GRIN2A: variants seen among roughly 807,000 people sequenced by gnomAD.
GRIN2A encodes the protein glutamate receptor ionotropic, NMDA 2A.
In GRIN2A, 22 loss-of-function variants were observed where a neutral mutation model predicts 113.4. The ratio of observed to expected loss-of-function variants is 0.19; its 90% CI spans 0.14 to 0.28. The LOEUF (loss-of-function observed/expected upper bound fraction) is 0.28, where lower values mean the gene tolerates loss of function less well. GRIN2A is among the 10% of genes least tolerant of loss of function. The probability of loss-of-function intolerance (pLI) is 1.00; values close to 1 mark genes in which losing one functional copy is unlikely to be tolerated. For synonymous variants in GRIN2A, 827 were observed against 738.4 expected (o/e 1.12, Z -1.94); for missense variants, 1,502 against 1,887.0 (o/e 0.80, Z 3.78).
chr16:10,154,219 G>A (rs2049642422), intron 2 of GRIN2A, among the ~76,000 whole-genome samples: 1 of 152,184 alleles, frequency 6.6e-6, no homozygotes, highest in African/African-American at 2.4e-5. Flanking sequence ...CCACAAGTGA[G>A]GCGATATGGC....
At chr16:9,768,341 C>A (rs765190502) in intron 12 of GRIN2A, among the ~76,000 whole-genome samples, 1 of 152,128 alleles carries the variant, frequency 6.6e-6, no homozygotes, top group Non-Finnish European at 1.5e-5. Context: ...CATGAGCCAC[C>A]GTGCCCGGCC....
At chr16:9,925,062 G>C (rs1233654479) in intron 3 of GRIN2A, among the ~76,000 whole-genome samples, 1 of 152,146 alleles carries the variant, frequency 6.6e-6, no homozygotes, top group African/African-American at 2.4e-5. Context: ...CTTTTGATGG[G>C]ATGGAAGAAA....
chr16:9,963,601 T>C (rs2045487654), intron 2 of GRIN2A, among the ~76,000 whole-genome samples: 1 of 152,176 alleles, frequency 6.6e-6, no homozygotes, highest in South Asian at 2.1e-4. Flanking sequence ...TGTGTAAAAA[T>C]TCATTGAGCT....
chr16:10,130,016 T>A (rs989679589), intron 2 of GRIN2A, among the ~76,000 whole-genome samples: 2 of 152,100 alleles, frequency 1.3e-5, no homozygotes, highest in Non-Finnish European at 2.9e-5. Context: ...GAGAGAGAAA[T>A]CAAAGGTGAC....
chr16:9,990,452 G>C (rs991088647), intron 2 of GRIN2A, among the ~76,000 whole-genome samples: 1 of 151,868 alleles, frequency 6.6e-6, no homozygotes, highest in Non-Finnish European at 1.5e-5. Context: ...ACACTACTTG[G>C]GCAACAGGAA....
intron 2 of GRIN2A, among the ~76,000 whole-genome samples, chr16:9,960,021 A>T (rs1386398339): frequency 6.6e-6 from 1 of 152,120 alleles, no homozygotes; most frequent in Non-Finnish European, 1.5e-5. Context: ...CTAGAAACTC[A>T]CTGAAACCAC....
At chr16:10,103,772 A>AT (rs1380250710) in intron 2 of GRIN2A, among the ~76,000 whole-genome samples, 1 of 152,094 alleles carries the variant, frequency 6.6e-6, no homozygotes, top group Non-Finnish European at 1.5e-5. Context: ...TTGGAGGTAG[A>AT]TTTTGTCTCT....
intron 11 of GRIN2A, among the ~76,000 whole-genome samples, chr16:9,783,786 G>A (rs940616464): frequency 6.6e-6 from 1 of 152,190 alleles, no homozygotes; most frequent in Non-Finnish European, 1.5e-5. Context: ...TTTCTAAATG[G>A]TAAATATTGT....
chr16:10,130,150 C>T (rs1183226735), intron 2 of GRIN2A, among the ~76,000 whole-genome samples: 1 of 152,192 alleles, frequency 6.6e-6, no homozygotes, highest in African/African-American at 2.4e-5. Flanking sequence ...AGCCAAGAGA[C>T]TCATTCAAGG....
chr16:9,983,447 T>A (rs890161686), intron 2 of GRIN2A, among the ~76,000 whole-genome samples: 1 of 151,848 alleles, frequency 6.6e-6, no homozygotes, highest in African/African-American at 2.4e-5. Context: ...TTATTCTTTT[T>A]TTTTTTTTTT....
chr16:9,823,662 T>G (rs964775092), intron 9 of GRIN2A, among the ~76,000 whole-genome samples: 1 of 152,198 alleles, frequency 6.6e-6, no homozygotes, highest in Non-Finnish European at 1.5e-5. Flanking sequence ...CATTTAATCC[T>G]TACAAACCCA....
chr16:10,111,745 A>G, intron 2 of GRIN2A: 1 of 1,518,682 alleles, frequency 6.6e-7, no homozygotes. Context: ...CGTGGTGCTG[A>G]GCCCCTCACA....
intron 2 of GRIN2A, among the ~76,000 whole-genome samples, chr16:10,096,153 C>G (rs1451600894): frequency 1.3e-5 from 2 of 152,168 alleles, no homozygotes; most frequent in African/African-American, 4.8e-5. Flanking sequence ...GTTTAGGGCC[C>G]AGGCATCCAT....
chr16:10,036,449 C>CTTTTTTTTTTTTTTTTTTT lies in GRIN2A; in HGVS notation c.415-97917_415-97899dup, dbSNP rs369821921. 4.8e-4 allele frequency among the ~76,000 whole-genome samples: 22 copies of CTTTTTTTTTTTTTTTTTTT among 46,006 alleles called. 4 individuals are homozygous for CTTTTTTTTTTTTTTTTTTT. Among genetic ancestry groups the CTTTTTTTTTTTTTTTTTTT allele is most frequent in the East Asian group, 1.0e-3 (1 of 1,000 alleles). The allele number at this position is 46,006 out of a possible 152,430, so 30.2% of individuals were successfully genotyped here. On this transcript the variant is annotated intron_variant, in intron 2 of 12. Coordinates refer to ENST00000330684, the MANE Select transcript of GRIN2A (RefSeq NM_001134407.3). The stretch of plus-strand genomic sequence containing the variant: ...ATATTAGTACTTACTTTTTTTTTTT[C>CTTTTTTTTTTTTTTTTTTT]TTTTTTTTTTTTTTTTTTTTTTTTT...
chr16:10,130,836 G>C (rs2049046742), intron 2 of GRIN2A, among the ~76,000 whole-genome samples: 3 of 152,198 alleles, frequency 2.0e-5, no homozygotes, highest in African/African-American at 7.2e-5. Flanking sequence ...AGCTGGGGGA[G>C]TAAAATGGAT....
At chr16:10,036,367 G>A (rs1331655691) in intron 2 of GRIN2A, among the ~76,000 whole-genome samples, 1 of 150,246 alleles carries the variant, frequency 6.7e-6, no homozygotes, top group Non-Finnish European at 1.5e-5. Flanking sequence ...TCCAGCTTCT[G>A]GTAGCCTCAG....
intron 2 of GRIN2A, among the ~76,000 whole-genome samples, chr16:10,106,813 T>G (rs1022104661): frequency 6.6e-6 from 1 of 152,048 alleles, no homozygotes; most frequent in African/African-American, 2.4e-5. Flanking sequence ...GAGCAGGACA[T>G]GGAGGGATTC....
intron 2 of GRIN2A, among the ~76,000 whole-genome samples, chr16:10,051,906 A>G (rs1192171321): frequency 6.6e-6 from 1 of 152,370 alleles, no homozygotes; most frequent in South Asian, 2.1e-4. Flanking sequence ...TAAAGACTAC[A>G]CTTGCACTGT....
At chr16:10,121,071 T>C (rs1429531595) in intron 2 of GRIN2A, among the ~76,000 whole-genome samples, 1 of 152,170 alleles carries the variant, frequency 6.6e-6, no homozygotes, top group African/African-American at 2.4e-5. Flanking sequence ...GAGGACTGGA[T>C]ATACTTTCAT....
Sources: allele counts gnomAD v4.1 joint callset (sites outside exome capture counted in the v4.1 genomes callset), GRCh38; gene constraint gnomAD v4.1.1; transcripts MANE v1.5; gene names NCBI Gene and HGNC (gene_info 2026-07-23, HGNC 2026-07-21).